Variants in DCHS2 observed in about 807,000 individuals in gnomAD.
DCHS2 encodes the protein protocadherin-23.
Under a neutral mutation model 182.4 loss-of-function variants are expected in DCHS2, and 142 were observed. The observed-to-expected ratio is 0.78, with a 90% CI of 0.68 to 0.89. The LOEUF is 0.89. Ranked by LOEUF, DCHS2 falls within the 40% of genes least tolerant of loss-of-function variation. The pLI is 0.00. For synonymous variants in DCHS2, 1,740 were observed against 1,663.3 expected, an observed-to-expected ratio of 1.05 and a Z score of -1.12; for missense variants, 4,319 against 4,198.6, an observed-to-expected ratio of 1.03 and a Z score of -0.79.
At chr4:154,237,404 C>T (rs1404215267) in intron 19 of DCHS2, 9 of 435,504 alleles carry the variant, frequency 2.1e-5, no homozygotes, top group Middle Eastern at 7.0e-4. Context: ...CTTGAGGTTG[C>T]TGTTGCCACA....
chr4:154,303,536 G>A (rs1735304616), intron 12 of DCHS2, among the ~76,000 whole-genome samples: 1 of 148,366 alleles, frequency 6.7e-6, no homozygotes, highest in Admixed American at 6.7e-5. Context: ...CTAGCAGAAG[G>A]ACCCAGACCA....
chr4:154,255,628 C>G lies in DCHS2; in HGVS notation c.6832G>C (p.Glu2278Gln). The change falls in exon 16 of 20, where the codon GAG becomes CAG. Residue 2278 changes from glutamate (E) to glutamine (Q), a missense_variant. Glu to Gln is a conservative substitution (Grantham distance 29). Coordinates refer to ENST00000357232, the MANE Select transcript of DCHS2 (RefSeq NM_001358235.2). ...DLDSGLNGLI[E>Q]YSILSGNQEE... ...TGGTTGCCAGACAGAATAGAATACT[C>G]AATCAGGCCGTTCAAACCACTGTCC... 6.2e-7 allele frequency: 1 copy of G among 1,613,954 alleles called. No individual in the cohort carries two copies. The highest frequency in any genetic ancestry group is 8.5e-7 in the Non-Finnish European group (1 of 1,179,930).
chr4:154,481,415 C>T (rs1400829684), intron 1 of DCHS2, among the ~76,000 whole-genome samples: 2 of 152,006 alleles, frequency 1.3e-5, no homozygotes, highest in Non-Finnish European at 2.9e-5. Flanking sequence ...GTGCACATCA[C>T]CACACCTGGC....
intron 10 of DCHS2, among the ~76,000 whole-genome samples, chr4:154,312,825 T>C (rs1039163970): frequency 2.0e-5 from 3 of 152,238 alleles, no homozygotes; most frequent in Non-Finnish European, 2.9e-5. Context: ...CTAAAGGGTA[T>C]ACAGAATGGC....
chr4:154,420,196 A>T (rs1733045070), intron 1 of DCHS2, among the ~76,000 whole-genome samples: 1 of 152,064 alleles, frequency 6.6e-6, no homozygotes, highest in African/African-American at 2.4e-5. Context: ...GTGAGAAAAA[A>T]AAGGAGTCAG....
At chr4:154,373,982 G>A (rs368455278) in intron 2 of DCHS2, 10 of 1,417,998 alleles carry the variant, frequency 7.1e-6, no homozygotes, top group African/African-American at 3.2e-5. Flanking sequence ...GATCCTTTTT[G>A]GAGGTGGATA....
chr4:154,428,416 G>A (rs1389751651), intron 1 of DCHS2, among the ~76,000 whole-genome samples: 1 of 152,008 alleles, frequency 6.6e-6, no homozygotes, highest in African/African-American at 2.4e-5. Context: ...GTATGTGCCT[G>A]TGATTTCATC....
At chr4:154,257,313 C>T (rs1429906405) in intron 15 of DCHS2, among the ~76,000 whole-genome samples, 1 of 152,170 alleles carries the variant, frequency 6.6e-6, no homozygotes, top group Non-Finnish European at 1.5e-5. Flanking sequence ...GGTACCGGCA[C>T]ATCTTAACTA....
chr4:154,396,271 G>C (rs1008654657), intron 1 of DCHS2, among the ~76,000 whole-genome samples: 1 of 146,856 alleles, frequency 6.8e-6, no homozygotes, highest in African/African-American at 2.5e-5. Context: ...GGGAGGGAGG[G>C]AGGGAAAAAT....
rs372810438 is a variant in DCHS2 at position 154,320,728 on chromosome 4, C to A, written c.4671G>T (p.Thr1557=). The change falls in exon 9 of 20, where the codon ACG becomes ACT. Residue 1557 remains threonine, a synonymous_variant. Transcript: ENST00000357232. ...ATGAGGGGTGGATGAGAAATGGATTCGTGCCAGGGTTGTGGGATTCAATGT... is the reference window on the plus strand; with the variant it reads ...ATGAGGGGTGGATGAGAAATGGATTAGTGCCAGGGTTGTGGGATTCAATGT... The part of the protein sequence containing the change: ...QYYIESHNPG[T]NPFLIHPSFG... The A allele has an allele frequency of 3.1e-5, 50 of 1,613,878 alleles. No homozygotes were observed. The highest frequency in any genetic ancestry group is 4.0e-5 in the Non-Finnish European group (47 of 1,180,004).
chr4:154,439,909 C>T (rs1733929189), intron 1 of DCHS2, among the ~76,000 whole-genome samples: 1 of 152,140 alleles, frequency 6.6e-6, no homozygotes, highest in Admixed American at 6.5e-5. Context: ...GCTAATACTA[C>T]TGAGGTTTGC....
chr4:154,481,347 G>T (rs1552639), intron 1 of DCHS2, among the ~76,000 whole-genome samples: 4 of 151,970 alleles, frequency 2.6e-5, no homozygotes, highest in Non-Finnish European at 5.9e-5. Flanking sequence ...CTGCAGCCTC[G>T]ACCTCCCAGG....
chr4:154,263,429 G>A (rs1384119471), intron 14 of DCHS2, among the ~76,000 whole-genome samples: 1 of 151,728 alleles, frequency 6.6e-6, no homozygotes, highest in African/African-American at 2.4e-5. Context: ...TTATTGAGTT[G>A]GTACAGTTGT....
intron 3 of DCHS2, among the ~76,000 whole-genome samples, chr4:154,348,072 T>C (rs548074847): frequency 2.0e-5 from 3 of 152,122 alleles, no homozygotes; most frequent in South Asian, 2.1e-4. Context: ...TAAAGCTGGA[T>C]ACTGACACAA....
Position 154,300,335 on chromosome 4 carries a change from G to C in DCHS2, c.5606-1627C>G, listed in dbSNP as rs370775230. ...CCCCTGAAGGATTTTGGACAGGAAA[G>C]TGTCATGAATCAAATTTCTATTTTA... On this transcript the variant is annotated intron_variant, in intron 12 of 19. Coordinates refer to ENST00000357232, the MANE Select transcript of DCHS2 (RefSeq NM_001358235.2). 2.0e-4 allele frequency among the ~76,000 whole-genome samples: 30 copies of C among 152,176 alleles called. No homozygotes were observed. The East Asian group carries it at 5.8e-3, about 29-fold the overall frequency.
intron 1 of DCHS2, among the ~76,000 whole-genome samples, chr4:154,388,637 G>A (rs1288217028): frequency 6.6e-6 from 1 of 151,818 alleles, no homozygotes; most frequent in East Asian, 1.9e-4. Flanking sequence ...TGGGATTACA[G>A]GCGCACATCA....
chr4:154,414,520 G>T, intron 1 of DCHS2, among the ~76,000 whole-genome samples: 1 of 131,124 alleles, frequency 7.6e-6, no homozygotes, highest in South Asian at 2.4e-4. Flanking sequence ...TTGGCCAAGG[G>T]ACATATGATA....
At chr4:154,366,584 A>ATGTG in intron 2 of DCHS2, 143 bp from the exon 3 acceptor site, 1 of 632,560 alleles carries the variant, frequency 1.6e-6, no homozygotes, top group Non-Finnish European at 2.9e-6. Context: ...GTGTATACAC[A>ATGTG]TATACACACA....
intron 10 of DCHS2, among the ~76,000 whole-genome samples, chr4:154,305,694 T>A (rs889386103): frequency 1.3e-5 from 2 of 152,234 alleles, no homozygotes; most frequent in Admixed American, 6.5e-5. Flanking sequence ...GAATTGCTTA[T>A]ACACGTATTT....
Sources: gnomAD v4.1 joint callset for allele counts (sites outside exome capture counted in the v4.1 genomes callset) on GRCh38, gnomAD v4.1.1 for gene constraint, MANE v1.5 for transcripts, NCBI Gene and HGNC (gene_info 2026-07-23, HGNC 2026-07-21) for gene names.